Variants in SLC24A3 observed in about 807,000 individuals in gnomAD.
The protein encoded by SLC24A3 is sodium/potassium/calcium exchanger 3.
SLC24A3 carries 28 observed loss-of-function variants against 75.8 expected under a neutral mutation model. That is an observed-to-expected ratio of 0.37 (90% CI 0.27 to 0.51). SLC24A3 has a LOEUF of 0.51. SLC24A3 is among the 20% of genes least tolerant of loss of function. SLC24A3 has a pLI of 0.94. For missense variants in SLC24A3, 663 were observed against 847.8 expected (o/e 0.78, Z 2.71); for synonymous variants, 372 against 334.1 (o/e 1.11, Z -1.24).
At chr20:19,310,975 C>G (rs193074371) in intron 2 of SLC24A3, among the ~76,000 whole-genome samples, 35 of 152,276 alleles carry the variant, frequency 2.3e-4, no homozygotes, top group Admixed American at 2.2e-3. Flanking sequence ...TATTCCCCCT[C>G]TATGTAATCT....
chr20:19,402,599 A>G (rs907068103), intron 2 of SLC24A3, among the ~76,000 whole-genome samples: 1 of 152,226 alleles, frequency 6.6e-6, no homozygotes, highest in African/African-American at 2.4e-5. Flanking sequence ...AATAACAACA[A>G]ACAGAACATT....
intron 15 of SLC24A3, among the ~76,000 whole-genome samples, chr20:19,710,458 T>G (rs1363108825): frequency 6.6e-6 from 1 of 152,210 alleles, no homozygotes; most frequent in East Asian, 1.9e-4. Flanking sequence ...CCACAACAAC[T>G]GCCAAGAGGG....
At chr20:19,252,643 C>CGCG (rs1982694185) in intron 1 of SLC24A3, among the ~76,000 whole-genome samples, 1 of 133,364 alleles carries the variant, frequency 7.5e-6, no homozygotes, top group African/African-American at 2.7e-5. Context: ...ATTGGAATGG[C>CGCG]GGGGGGGGGT....
chr20:19,224,145 TGTGA>T (rs1051368819), intron 1 of SLC24A3, among the ~76,000 whole-genome samples: 11 of 151,254 alleles, frequency 7.3e-5, no homozygotes, highest in African/African-American at 2.0e-4. Context: ...TGTGTGTGTG[TGTGA>T]GAGTATTGAG....
chr20:19,639,874 G>A (rs1022488292), intron 6 of SLC24A3, among the ~76,000 whole-genome samples: 1 of 152,280 alleles, frequency 6.6e-6, no homozygotes, highest in Non-Finnish European at 1.5e-5. Context: ...GCTGGCCCAG[G>A]TGCTAAGCCC....
chr20:19,294,023 A>T (rs1984004765), intron 2 of SLC24A3, among the ~76,000 whole-genome samples: 1 of 152,156 alleles, frequency 6.6e-6, no homozygotes, highest in African/African-American at 2.4e-5. Flanking sequence ...CATACACTTT[A>T]AATCATCTCT....
At chr20:19,220,512 C>T (rs1211961232) in intron 1 of SLC24A3, among the ~76,000 whole-genome samples, 1 of 152,104 alleles carries the variant, frequency 6.6e-6, no homozygotes, top group Non-Finnish European at 1.5e-5. Flanking sequence ...GGATTGGTGA[C>T]CTCAGGAAGT....
chr20:19,376,604 A>T (rs1986087506), intron 2 of SLC24A3, among the ~76,000 whole-genome samples: 1 of 151,736 alleles, frequency 6.6e-6, no homozygotes, highest in African/African-American at 2.4e-5. Context: ...AGAGTGTTCC[A>T]AGTTTTCTGA....
At position 19,522,374 on chromosome 20, in the gene SLC24A3, C is replaced by A. The variant is rs535958751; in HGVS notation, c.348+6810C>A. 2.0e-5 allele frequency among the ~76,000 whole-genome samples: 3 copies of A among 152,266 alleles called. No individual in the cohort carries two copies. In the South Asian group the frequency reaches 6.2e-4, roughly 32 times the overall value. On this transcript the variant is annotated intron_variant, in intron 3 of 16. Transcript: ENST00000328041. ...TGTATAGAAGGCACTGCCAGGCCACCAGGCTTACCAAAACAAGGGAAGGAT... is the reference window on the plus strand; with the variant it reads ...TGTATAGAAGGCACTGCCAGGCCACAAGGCTTACCAAAACAAGGGAAGGAT...
At chr20:19,438,818 T>A (rs141075770) in intron 2 of SLC24A3, among the ~76,000 whole-genome samples, 1 of 152,270 alleles carries the variant, frequency 6.6e-6, no homozygotes, top group African/African-American at 2.4e-5. Flanking sequence ...GGGTAGGTAG[T>A]GTAGATAGTA....
At chr20:19,503,512 G>A (rs752471748) in intron 2 of SLC24A3, among the ~76,000 whole-genome samples, 37 of 152,270 alleles carry the variant, frequency 2.4e-4, no homozygotes, top group Non-Finnish European at 4.3e-4. Flanking sequence ...GGAGTAATTT[G>A]CAGATTCTTT....
chr20:19,693,523 C>A, intron 13 of SLC24A3, 98 bp downstream of exon 13: 1 of 1,446,056 alleles, frequency 6.9e-7, no homozygotes, highest in Non-Finnish European at 9.3e-7. Context: ...TACTAGTCAG[C>A]TATTGCTACA....
chr20:19,368,292 G>A lies in SLC24A3; in HGVS notation c.271+87205G>A, dbSNP rs561213133. On this transcript the variant is annotated intron_variant, in intron 2 of 16. Transcript: ENST00000328041. ...ACACTGGCACTTTAAGACGGGCAAA[G>A]TACAGCCAGAGAGAACATGGGGCAG... Among the ~76,000 whole-genome samples, 70 of 152,328 alleles carry A rather than the reference G, an allele frequency of 4.6e-4. No homozygotes were observed. In the Middle Eastern group the frequency reaches 0.014, roughly 30 times the overall value.
At chr20:19,409,845 GTGTA>G (rs1986712949) in intron 2 of SLC24A3, among the ~76,000 whole-genome samples, 1 of 145,666 alleles carries the variant, frequency 6.9e-6, no homozygotes, top group African/African-American at 2.7e-5. Context: ...GTGTGTGTGT[GTGTA>G]TATATATATA....
chr20:19,491,138 C>T (rs746000531), intron 2 of SLC24A3, among the ~76,000 whole-genome samples: 5 of 152,166 alleles, frequency 3.3e-5, no homozygotes, highest in African/African-American at 4.8e-5. Context: ...TCCTCACTGC[C>T]ATCCTTGCAT....
chr20:19,604,506 G>A (rs1409524558), intron 6 of SLC24A3, among the ~76,000 whole-genome samples: 1 of 152,174 alleles, frequency 6.6e-6, no homozygotes, highest in Non-Finnish European at 1.5e-5. Flanking sequence ...GGGGTCCTGG[G>A]GCCTTGGTGA....
At chr20:19,338,497 G>T (rs184979143) in intron 2 of SLC24A3, among the ~76,000 whole-genome samples, 2 of 152,320 alleles carry the variant, frequency 1.3e-5, no homozygotes, top group Admixed American at 6.5e-5. Flanking sequence ...TGAGAAGTGA[G>T]AATCGTGTCT....
At chr20:19,383,477 T>G (rs1464609911) in intron 2 of SLC24A3, among the ~76,000 whole-genome samples, 1 of 152,136 alleles carries the variant, frequency 6.6e-6, no homozygotes, top group East Asian at 1.9e-4. Context: ...AGTAATCATC[T>G]GTGTACTCCT....
At chr20:19,295,189 G>C (rs1017463593) in intron 2 of SLC24A3, among the ~76,000 whole-genome samples, 2 of 152,110 alleles carry the variant, frequency 1.3e-5, no homozygotes, top group Non-Finnish European at 1.5e-5. Context: ...TAAGTTCCTT[G>C]TAGAATCTGG....
Sources: gnomAD v4.1 joint callset for allele counts (sites outside exome capture counted in the v4.1 genomes callset) on GRCh38, gnomAD v4.1.1 for gene constraint, MANE v1.5 for transcripts, NCBI Gene and HGNC (gene_info 2026-07-23, HGNC 2026-07-21) for gene names.